KHDRBS2: variants seen among roughly 807,000 people sequenced by gnomAD.
KHDRBS2 encodes KH domain-containing, RNA-binding, signal transduction-associated protein 2.
Under a neutral mutation model 44.3 loss-of-function variants are expected in KHDRBS2, and 26 were observed. The ratio of observed to expected loss-of-function variants is 0.59; its 90% CI spans 0.43 to 0.81. KHDRBS2 has a LOEUF of 0.81. Ranked by LOEUF, KHDRBS2 falls within the 40% of genes least tolerant of loss-of-function variation. KHDRBS2 has a pLI of 0.00. For missense variants in KHDRBS2, 476 were observed against 433.1 expected, an observed-to-expected ratio of 1.10 and a Z score of -0.88; for synonymous variants, 194 against 151.1, an observed-to-expected ratio of 1.28 and a Z score of -2.08.
At chr6:61,764,988 T>A (rs2127573984) in intron 6 of KHDRBS2, among the ~76,000 whole-genome samples, 1 of 152,296 alleles carries the variant, frequency 6.6e-6, no homozygotes, top group Non-Finnish European at 1.5e-5. Flanking sequence ...AAAATTAGAT[T>A]ACATTTACAT....
At chr6:62,012,091 C>G (rs1343712181) in intron 3 of KHDRBS2, among the ~76,000 whole-genome samples, 2 of 143,714 alleles carry the variant, frequency 1.4e-5, no homozygotes, top group Non-Finnish European at 3.1e-5. Flanking sequence ...ATAACAATCC[C>G]CTTCTTGACG....
the KHDRBS2 span, among the ~76,000 whole-genome samples, chr6:61,574,631 C>T: frequency 1.3e-5 from 2 of 152,086 alleles, no homozygotes; most frequent in African/African-American, 4.8e-5. Flanking sequence ...ACCCTAGGGG[C>T]GTGGTAGCTC....
chr6:62,272,441 A>G (rs185018662), intron 1 of KHDRBS2, among the ~76,000 whole-genome samples: 27 of 152,320 alleles, frequency 1.8e-4, no homozygotes, highest in Admixed American at 1.2e-3. Flanking sequence ...GTTGAAAGAT[A>G]ATACATTTAT....
the KHDRBS2 span, among the ~76,000 whole-genome samples, chr6:61,576,535 T>A: frequency 1.3e-5 from 2 of 152,154 alleles, no homozygotes; most frequent in Non-Finnish European, 2.9e-5. Flanking sequence ...TCTTTTTCAA[T>A]TTGGATGCCT....
At chr6:62,191,803 T>C (rs1206524122) in intron 1 of KHDRBS2, among the ~76,000 whole-genome samples, 2 of 152,126 alleles carry the variant, frequency 1.3e-5, no homozygotes, top group Non-Finnish European at 2.9e-5. Flanking sequence ...AAAATTCATA[T>C]TTATTTCCAC....
intron 8 of KHDRBS2, among the ~76,000 whole-genome samples, chr6:61,692,471 T>C (rs1216867684): frequency 6.6e-6 from 1 of 151,972 alleles, no homozygotes; most frequent in Admixed American, 6.6e-5. Context: ...GCAAGATAGT[T>C]TAATATTTAA....
chr6:61,608,860 C>A, the KHDRBS2 span, among the ~76,000 whole-genome samples: 1 of 152,092 alleles, frequency 6.6e-6, no homozygotes, highest in Non-Finnish European at 1.5e-5. Flanking sequence ...TGGGTTGGTT[C>A]CAAGTCTCTG....
intron 1 of KHDRBS2, among the ~76,000 whole-genome samples, chr6:62,232,110 T>A (rs1832987346): frequency 6.6e-6 from 1 of 152,070 alleles, no homozygotes; most frequent in Non-Finnish European, 1.5e-5. Context: ...TTGGGAAAAA[T>A]AATATTCTTA....
intron 1 of KHDRBS2, among the ~76,000 whole-genome samples, chr6:62,213,038 A>G (rs929747585): frequency 2.0e-5 from 3 of 152,214 alleles, no homozygotes; most frequent in African/African-American, 7.2e-5. Flanking sequence ...AAAGCTATTC[A>G]GAGATCAGTT....
chr6:62,145,020 T>C (rs1000841294), intron 2 of KHDRBS2, among the ~76,000 whole-genome samples: 1 of 151,994 alleles, frequency 6.6e-6, no homozygotes, highest in African/African-American at 2.4e-5. Flanking sequence ...AATTCTGCCA[T>C]GAGCAGAAGT....
At chr6:62,050,529 C>G (rs1362676212) in intron 2 of KHDRBS2, among the ~76,000 whole-genome samples, 1 of 151,702 alleles carries the variant, frequency 6.6e-6, no homozygotes, top group South Asian at 2.1e-4. Flanking sequence ...ACACTCCTTA[C>G]CTCTGAAAAA....
At chr6:61,887,363 T>G (rs1239949209) in intron 6 of KHDRBS2, among the ~76,000 whole-genome samples, 1 of 152,186 alleles carries the variant, frequency 6.6e-6, no homozygotes, top group East Asian at 1.9e-4. Context: ...AATATTATTT[T>G]TGATTTTCCA....
chr6:62,129,609 C>G (rs1380382701), intron 2 of KHDRBS2, among the ~76,000 whole-genome samples: 2 of 152,066 alleles, frequency 1.3e-5, no homozygotes, highest in African/African-American at 4.8e-5. Flanking sequence ...GAAGTAGTGA[C>G]AAAAGAATGT....
rs1355991175 is a variant in KHDRBS2, at chr6:62,256,944, T to C, written c.91+28914A>G. The stretch of plus-strand genomic sequence containing the variant: ...GTTGTGCAGATGCTTAACAAGGTAG[T>C]GGTAGAGGAAAACCAGCCTCGGCTA... On this transcript the variant is annotated intron_variant, in intron 1 of 8. Transcript: ENST00000281156. Among the ~76,000 whole-genome samples, 3 of 152,062 alleles carry C rather than the reference T, an allele frequency of 2.0e-5. 1 individual carries two copies. In the East Asian group the frequency reaches 5.8e-4, roughly 29 times the overall value.
At chr6:61,974,127 T>G (rs1562561687) in intron 4 of KHDRBS2, among the ~76,000 whole-genome samples, 1 of 152,212 alleles carries the variant, frequency 6.6e-6, no homozygotes. Context: ...AACTTATTAA[T>G]TCAATTGAAT....
intron 4 of KHDRBS2, among the ~76,000 whole-genome samples, chr6:61,906,324 G>T (rs1170908266): frequency 6.6e-6 from 1 of 151,842 alleles, no homozygotes; most frequent in East Asian, 1.9e-4. Flanking sequence ...ATAGGTATAT[G>T]ATTTGTAATA....
At chr6:61,649,806 T>C in the KHDRBS2 span, among the ~76,000 whole-genome samples, 1 of 152,158 alleles carries the variant, frequency 6.6e-6, no homozygotes, top group African/African-American at 2.4e-5. Flanking sequence ...TATCTCTTGT[T>C]TGGATTACTC....
chr6:61,854,952 C>T (rs1180200820), intron 6 of KHDRBS2, among the ~76,000 whole-genome samples: 1 of 152,126 alleles, frequency 6.6e-6, no homozygotes, highest in Non-Finnish European at 1.5e-5. Flanking sequence ...CCCATATTAA[C>T]TAACCTGTAT....
Position 61,751,688 on chromosome 6 carries a change from G to A in KHDRBS2, c.811-18924C>T, listed in dbSNP as rs1777714520. ...CCAAATTGGCACAGTCTGATTGAAG[G>A]AATGGCCTGTTAGTAGAAAGAAGCT... On this transcript the variant is annotated intron_variant, in intron 6 of 8. Transcript: ENST00000281156. Among the ~76,000 whole-genome samples the A allele has an allele frequency of 2.0e-5, 3 of 152,144 alleles. No homozygotes were observed. In the South Asian group the frequency reaches 6.2e-4, roughly 31 times the overall value.
Sources: allele counts gnomAD v4.1 joint callset (sites outside exome capture counted in the v4.1 genomes callset), GRCh38; gene constraint gnomAD v4.1.1; transcripts MANE v1.5; gene names NCBI Gene and HGNC (gene_info 2026-07-23, HGNC 2026-07-21).